Variants in ZNF385D observed in about 807,000 individuals in gnomAD.
ZNF385D encodes zinc finger protein 659.
A neutral mutation model predicts 35.8 loss-of-function variants in ZNF385D; 15 were observed. The ratio of observed to expected loss-of-function variants is 0.42; its 90% CI spans 0.28 to 0.64. ZNF385D has a LOEUF of 0.64. Among genes scored for constraint, ZNF385D ranks in the 30% least tolerant of loss-of-function variants. The pLI is 0.23. For missense variants in ZNF385D, 474 were observed against 494.6 expected, an observed-to-expected ratio of 0.96 and a Z score of 0.39; for synonymous variants, 212 against 186.8, an observed-to-expected ratio of 1.13 and a Z score of -1.10.
chr3:22,297,560 C>T (rs1223432295), intron 2 of ZNF385D, among the ~76,000 whole-genome samples: 1 of 152,042 alleles, frequency 6.6e-6, no homozygotes, highest in African/African-American at 2.4e-5. Context: ...GGGTAAAGTC[C>T]AGAGCAGAAG....
At chr3:21,761,911 GCT>G (rs955444325) in intron 3 of ZNF385D, among the ~76,000 whole-genome samples, 1 of 109,056 alleles carries the variant, frequency 9.2e-6, no homozygotes, top group Admixed American at 1.5e-4. Flanking sequence ...ACGGAGTCTC[GCT>G]CTGTCACCAG....
chr3:22,046,350 C>A (rs1342011068), intron 3 of ZNF385D, among the ~76,000 whole-genome samples: 5 of 152,094 alleles, frequency 3.3e-5, no homozygotes, highest in Non-Finnish European at 4.4e-5. Flanking sequence ...CCGTAATACT[C>A]AATAGAGACA....
intron 1 of ZNF385D, among the ~76,000 whole-genome samples, chr3:21,693,811 A>G (rs1245651111): frequency 2.6e-5 from 4 of 151,912 alleles, no homozygotes; most frequent in Non-Finnish European, 2.9e-5. Flanking sequence ...GCCAGAGAAG[A>G]GAGTCAACTC....
intron 3 of ZNF385D, among the ~76,000 whole-genome samples, chr3:22,081,130 CACT>C (rs1308137166): frequency 1.6e-4 from 24 of 152,268 alleles, no homozygotes; most frequent in African/African-American, 5.1e-4. Flanking sequence ...CTCCTATATC[CACT>C]ACATTTCTCT....
At chr3:21,946,764 G>A (rs982962644) in intron 3 of ZNF385D, among the ~76,000 whole-genome samples, 2 of 152,180 alleles carry the variant, frequency 1.3e-5, no homozygotes, top group East Asian at 3.9e-4. Flanking sequence ...CCCAAGAGGC[G>A]GAGGTTGCAG....
intron 3 of ZNF385D, among the ~76,000 whole-genome samples, chr3:21,808,783 A>G (rs2072769967): frequency 6.6e-6 from 1 of 152,244 alleles, no homozygotes; most frequent in South Asian, 2.1e-4. Flanking sequence ...CAGCCAATAC[A>G]TGAATCCAAC....
At chr3:21,532,223 T>A (rs1349915784) in intron 3 of ZNF385D, among the ~76,000 whole-genome samples, 1 of 152,106 alleles carries the variant, frequency 6.6e-6, no homozygotes, top group East Asian at 1.9e-4. Context: ...AGCAAAAAGA[T>A]GGGGAGCATT....
rs778013679 is a variant in ZNF385D at position 22,071,997 on chromosome 3, A to T, written c.325+96820T>A. 3.3e-4 allele frequency among the ~76,000 whole-genome samples: 50 copies of T among 152,144 alleles called. 1 individual carries two copies. The highest frequency in any genetic ancestry group is 6.8e-4 in the Non-Finnish European group (46 of 68,022). On this transcript the variant is annotated intron_variant, in intron 3 of 5. Coordinates refer to the ZNF385D transcript ENST00000494108. ...TAAACTGTCAAATTCAGAAAAAAAG[A>T]TACATAATTCTTTTCTTGAGATGAG...
intron 3 of ZNF385D, among the ~76,000 whole-genome samples, chr3:21,824,733 AT>A (rs1694491312): frequency 6.6e-6 from 1 of 152,144 alleles, no homozygotes; most frequent in Non-Finnish European, 1.5e-5. Flanking sequence ...GAGTTCCAGT[AT>A]GAAAAAAAAT....
chr3:21,982,310 C>T (rs1344370283), intron 3 of ZNF385D, among the ~76,000 whole-genome samples: 1 of 151,946 alleles, frequency 6.6e-6, no homozygotes, highest in East Asian at 1.9e-4. Flanking sequence ...AGCTGTATTT[C>T]TAGGTTTTCT....
At chr3:22,134,743 T>C (rs777101380) in intron 3 of ZNF385D, among the ~76,000 whole-genome samples, 67 of 152,244 alleles carry the variant, frequency 4.4e-4, no homozygotes, top group African/African-American at 1.0e-3. Context: ...TGAGGGTCCA[T>C]AGCTGGCAAG....
chr3:21,439,297 CAAAAAAA>C (rs143786633), intron 4 of ZNF385D, among the ~76,000 whole-genome samples: 2 of 89,322 alleles, frequency 2.2e-5, no homozygotes, highest in African/African-American at 3.7e-5. Context: ...GATTTTGAGG[CAAAAAAA>C]AAAAAAAAAA....
chr3:21,860,511 T>A (rs1306873925), intron 3 of ZNF385D, among the ~76,000 whole-genome samples: 1 of 152,140 alleles, frequency 6.6e-6, no homozygotes, highest in African/African-American at 2.4e-5. Flanking sequence ...CTTTCATCAG[T>A]GAGATAAGTA....
chr3:21,467,120 T>C (rs1427623931), intron 4 of ZNF385D, among the ~76,000 whole-genome samples: 3 of 152,206 alleles, frequency 2.0e-5, no homozygotes, highest in Non-Finnish European at 4.4e-5. Flanking sequence ...GCTTATGGAA[T>C]AACATGTCAA....
chr3:21,962,009 G>C (rs372311124), intron 3 of ZNF385D, among the ~76,000 whole-genome samples: 1 of 152,128 alleles, frequency 6.6e-6, no homozygotes, highest in African/African-American at 2.4e-5. Context: ...AAGGAAGTGA[G>C]CCTTAATCCT....
At chr3:21,632,392 A>G (rs923454874) in intron 2 of ZNF385D, among the ~76,000 whole-genome samples, 5 of 152,114 alleles carry the variant, frequency 3.3e-5, no homozygotes, top group African/African-American at 7.2e-5. Context: ...TACTGAGTCT[A>G]TATCATTAGT....
chr3:21,722,110 A>AAG (rs1398943856), intron 1 of ZNF385D, among the ~76,000 whole-genome samples: 1 of 151,824 alleles, frequency 6.6e-6, no homozygotes, highest in African/African-American at 2.4e-5. Flanking sequence ...AAAAAAAAAA[A>AAG]AAAAAAAGAG....
At chr3:21,613,661 T>A (rs1174153823) in intron 2 of ZNF385D, among the ~76,000 whole-genome samples, 1 of 152,208 alleles carries the variant, frequency 6.6e-6, no homozygotes, top group Non-Finnish European at 1.5e-5. Flanking sequence ...TTTGACCCCT[T>A]ACAGCAGTAA....
chr3:22,072,807 C>T (rs761789939), intron 3 of ZNF385D, among the ~76,000 whole-genome samples: 1 of 151,890 alleles, frequency 6.6e-6, no homozygotes, highest in South Asian at 2.1e-4. Flanking sequence ...AATAAGGAAA[C>T]AGAACAAAAG....
Sources: allele counts gnomAD v4.1 joint callset (sites outside exome capture counted in the v4.1 genomes callset), GRCh38; gene constraint gnomAD v4.1.1; transcripts MANE v1.5; gene names NCBI Gene and HGNC (gene_info 2026-07-23, HGNC 2026-07-21).